The following TTC28 variants were observed in gnomAD, a reference collection of about 807,000 sequenced individuals.
TTC28 encodes tetratricopeptide repeat domain 28.
A neutral mutation model predicts 198.0 loss-of-function variants in TTC28; 61 were observed. The observed-to-expected ratio is 0.31, with a 90% CI of 0.25 to 0.38. The LOEUF is 0.38. Among genes scored for constraint, TTC28 ranks in the 10% least tolerant of loss-of-function variants. The pLI is 1.00. For missense variants in TTC28, 2,678 were observed against 3,164.0 expected (o/e 0.85, Z 3.69); for synonymous variants, 1,171 against 1,297.8 (o/e 0.90, Z 2.10).
intron 2 of TTC28, among the ~76,000 whole-genome samples, chr22:28,618,585 G>A (rs1487450810): frequency 2.6e-5 from 4 of 151,712 alleles, no homozygotes; most frequent in African/African-American, 9.7e-5. Flanking sequence ...GGGAGGCTGA[G>A]GCAGGAGAAT....
intron 5 of TTC28, among the ~76,000 whole-genome samples, chr22:28,226,962 T>G (rs1360735636): frequency 6.6e-6 from 1 of 152,128 alleles, no homozygotes; most frequent in Non-Finnish European, 1.5e-5. Flanking sequence ...TCTCACTCTG[T>G]CCACCCAGGC....
At chr22:28,280,882 A>AT (rs970363549) in intron 5 of TTC28, among the ~76,000 whole-genome samples, 14 of 151,026 alleles carry the variant, frequency 9.3e-5, no homozygotes, top group Non-Finnish European at 1.5e-4. Context: ...GGGTTGACAG[A>AT]TTTTTTTTTC....
chr22:28,368,869 A>G (rs1279054370), intron 2 of TTC28, among the ~76,000 whole-genome samples: 1 of 152,144 alleles, frequency 6.6e-6, no homozygotes, highest in Non-Finnish European at 1.5e-5. Flanking sequence ...AAACTATAAA[A>G]CACTGATGAA....
At chr22:28,250,272 T>C (rs141319235) in intron 5 of TTC28, among the ~76,000 whole-genome samples, 4 of 152,358 alleles carry the variant, frequency 2.6e-5, no homozygotes, top group African/African-American at 7.2e-5. Flanking sequence ...CTGGATGACA[T>C]AAATTGAAAA....
At position 27,983,229 on chromosome 22, in the gene TTC28, G is replaced by A. The variant is rs767347871; in HGVS notation, c.6438C>T (p.Thr2146=). 5.8e-5 allele frequency: 90 copies of A among 1,551,728 alleles called. No individual in the cohort carries two copies. Among genetic ancestry groups the A allele is most frequent in the Middle Eastern group, 1.7e-4 (1 of 6,014 alleles). ...SDQSSTETDS[T]VKSQEESNPK... ...GGTTGCTTTCTTCTTGGGATTTCAC[G>A]GTACTGTCCGTTTCTGTGCTAGACT... Residue 2146 remains threonine (T), a synonymous_variant, in exon 23 of 23, where the codon ACC becomes ACT. Coordinates refer to ENST00000397906, the MANE Select transcript of TTC28 (RefSeq NM_001145418.2).
At chr22:28,602,119 C>T (rs2050649395) in intron 2 of TTC28, among the ~76,000 whole-genome samples, 1 of 151,982 alleles carries the variant, frequency 6.6e-6, no homozygotes, top group Non-Finnish European at 1.5e-5. Context: ...GCTGACAGTC[C>T]AAAGGAAAGC....
chr22:28,268,060 T>C (rs1222858446), intron 5 of TTC28, among the ~76,000 whole-genome samples: 1 of 152,184 alleles, frequency 6.6e-6, no homozygotes, highest in African/African-American at 2.4e-5. Context: ...TGGAGATGCA[T>C]ACTCTGTAAA....
At chr22:28,530,200 T>C (rs1182071307) in intron 2 of TTC28, among the ~76,000 whole-genome samples, 2 of 152,030 alleles carry the variant, frequency 1.3e-5, no homozygotes, top group Non-Finnish European at 2.9e-5. Context: ...ATAAACAGCG[T>C]AGAGAAGATG....
At chr22:27,985,094 T>C (rs118840) in intron 22 of TTC28, among the ~76,000 whole-genome samples, 155 bp downstream of exon 22, 14,457 of 152,300 alleles carry the variant, frequency 0.095, 771 homozygotes, top group African/African-American at 0.13. Flanking sequence ...TTTTGTTTCC[T>C]GCTCCTGAAT....
chr22:28,147,880 A>C (rs1481096536), intron 6 of TTC28, among the ~76,000 whole-genome samples: 2 of 152,220 alleles, frequency 1.3e-5, no homozygotes, highest in African/African-American at 2.4e-5. Context: ...TCTCAATGGA[A>C]GCTGTTATTT....
At chr22:28,394,175 T>A (rs142763546) in intron 2 of TTC28, among the ~76,000 whole-genome samples, 2 of 152,346 alleles carry the variant, frequency 1.3e-5, no homozygotes, top group East Asian at 3.9e-4. Flanking sequence ...GCCCTTGTGT[T>A]CTGGGTACCA....
chr22:28,426,834 T>C (rs16986410), intron 2 of TTC28, among the ~76,000 whole-genome samples: 2,419 of 152,254 alleles, frequency 0.016, 85 homozygotes, highest in African/African-American at 0.056. Context: ...CAAAAATCCA[T>C]ACTTTCATTC....
chr22:28,634,011 T>C (rs1205342700), intron 1 of TTC28, among the ~76,000 whole-genome samples: 2 of 152,166 alleles, frequency 1.3e-5, no homozygotes, highest in Non-Finnish European at 2.9e-5. Flanking sequence ...GAGTCAGTAC[T>C]AGTGCAGAAA....
chr22:28,679,821 C>A lies in TTC28; in HGVS notation c.-98G>T. On this transcript the variant is annotated 5_prime_UTR_variant, in exon 1 of 23. Coordinates refer to ENST00000397906, the MANE Select transcript of TTC28 (RefSeq NM_001145418.2). ...CGCCATGTTCCCGCCGTGCTGCGCG[C>A]CGCCGCGGCGCCCCTCACTGCCCCC... 8.0e-6 allele frequency: 4 copies of A among 500,668 alleles called. No homozygotes were observed. Among genetic ancestry groups the A allele is most frequent in the Non-Finnish European group, 1.1e-5 (4 of 368,736 alleles). The allele number at this position is 500,668 out of a possible 1,614,324, so 31.0% of individuals were successfully genotyped here. A position where few individuals can be genotyped will look rare whatever the true frequency, so the allele number is the denominator to read the frequency against.
intron 5 of TTC28, among the ~76,000 whole-genome samples, chr22:28,287,579 A>T (rs2044707992): frequency 6.6e-6 from 1 of 152,208 alleles, no homozygotes; most frequent in Non-Finnish European, 1.5e-5. Flanking sequence ...TTCTATGCAA[A>T]GAGACCAGAA....
intron 2 of TTC28, among the ~76,000 whole-genome samples, chr22:28,526,107 T>C (rs995472113): frequency 6.6e-6 from 1 of 152,150 alleles, no homozygotes; most frequent in Non-Finnish European, 1.5e-5. Flanking sequence ...TGGGAAACAT[T>C]TGCAATCAAA....
At chr22:28,017,086 C>T (rs998069502) in intron 13 of TTC28, among the ~76,000 whole-genome samples, 1 of 152,184 alleles carries the variant, frequency 6.6e-6, no homozygotes, top group African/African-American at 2.4e-5. Context: ...CAATCAGGGG[C>T]AGTGTCATCT....
At chr22:28,348,386 C>G (rs1435875791) in intron 2 of TTC28, among the ~76,000 whole-genome samples, 1 of 152,166 alleles carries the variant, frequency 6.6e-6, no homozygotes, top group Non-Finnish European at 1.5e-5. Context: ...GTACTATGTG[C>G]AAGCCTACCT....
At chr22:28,606,467 TTA>T (rs1242680979) in intron 2 of TTC28, among the ~76,000 whole-genome samples, 1 of 152,148 alleles carries the variant, frequency 6.6e-6, no homozygotes, top group Non-Finnish European at 1.5e-5. Flanking sequence ...GTACATGTGT[TTA>T]TGTGTATAAA....
Sources: allele counts gnomAD v4.1 joint callset (sites outside exome capture counted in the v4.1 genomes callset), GRCh38; gene constraint gnomAD v4.1.1; transcripts MANE v1.5; gene names NCBI Gene and HGNC (gene_info 2026-07-23, HGNC 2026-07-21).